Variants in NBPF3 observed in about 807,000 individuals in gnomAD.
NBPF3 encodes the protein NBPF member 3.
NBPF3 carries 57 observed loss-of-function variants against 78.1 expected under a neutral mutation model. The ratio of observed to expected loss-of-function variants is 0.73; its 90% CI spans 0.59 to 0.91. The LOEUF is 0.91. Among genes scored for constraint, NBPF3 ranks in the 40% least tolerant of loss-of-function variants. The pLI is 0.00. For missense variants in NBPF3, 510 were observed against 715.3 expected (o/e 0.71, Z 3.27); for synonymous variants, 182 against 271.7 (o/e 0.67, Z 3.25).
intron 2 of NBPF3, among the ~76,000 whole-genome samples, chr1:21,458,089 A>T (rs984762108): frequency 1.3e-5 from 2 of 152,230 alleles, no homozygotes; most frequent in African/African-American, 4.8e-5. Context: ...GAGCCTCAGT[A>T]AATTCACTTA....
rs1337962201 is a variant in NBPF3, at chr1:21,476,594, G to A, written c.993-1550G>A. On this transcript the variant is annotated intron_variant, in intron 8 of 14. Coordinates refer to ENST00000318249, the MANE Select transcript of NBPF3 (RefSeq NM_032264.6). This position sits in a 1 kb window ranked among gnomAD's most constrained non-coding sequence, Gnocchi z 4.1. ...GAAAATTCTTTTGTTTATGAATGTC[G>A]AATATTGGCCTCCACTCTCTTCTGG... is the stretch of plus-strand genomic sequence containing the variant. Among the ~76,000 whole-genome samples, 2 of 152,112 alleles carry A rather than the reference G, an allele frequency of 1.3e-5. No individual in the cohort carries two copies. The highest frequency in any genetic ancestry group is 2.9e-5 in the Non-Finnish European group (2 of 68,028).
chr1:21,445,193 G>A lies in NBPF3; in HGVS notation c.107G>A (p.Arg36Gln), dbSNP rs199755595. ...AGAGCAGCCTCACATGGTGTGGGCC[G>A]ACATCAAGAGCTGCGAGATCCAACA... Reference protein sequence around the residue: ...APRAASHGVGRHQELRDPTVP... With the variant: ...APRAASHGVGQHQELRDPTVP... Residue 36 changes from arginine (R) to glutamine (Q), a missense_variant, in exon 2 of 15, where the codon CGA becomes CAA. Physicochemically the swap from Arg to Gln is conservative, Grantham distance 43 (BLOSUM62 1). Around this residue, in one of 5 missense-constraint regions of NBPF3, gnomAD observed 440 missense variants for 478.2 expected, o/e 0.92. Transcript: ENST00000318249. 41 of 1,611,782 alleles carry A rather than the reference G, an allele frequency of 2.5e-5. No homozygotes were observed. The highest frequency in any genetic ancestry group is 2.4e-4 in the South Asian group (22 of 90,964).
In NBPF3 at chr1:21,480,106, G is replaced by C. The variant is rs1230019587; in HGVS notation, c.1264G>C (p.Asp422His). ...KEPEVLQDSL[D>H]RFYSTPFEYL... ...GCCTGAAGTCTTGCAGGACTCACTG[G>C]ATAGATTTTATTCAACTCCTTTTGA... is the stretch of plus-strand genomic sequence containing the variant. The change falls in exon 11 of 15, where the codon GAT becomes CAT. Residue 422 changes from aspartate to histidine, a missense_variant. Physicochemically the swap from Asp to His is moderately conservative, Grantham distance 81. Around this residue, in one of 5 missense-constraint regions of NBPF3, gnomAD observed 22 missense variants for 59.9 expected, o/e 0.37. Transcript: ENST00000318249. The C allele has an allele frequency of 8.8e-6, 10 of 1,131,628 alleles. 1 individual carries two copies. Among genetic ancestry groups the C allele is most frequent in the African/African-American group, 7.1e-5 (5 of 70,544 alleles). The allele number at this position is 1,131,628 out of a possible 1,614,324, so 70.1% of individuals were successfully genotyped here.
chr1:21,445,299 G>A, intron 2 of NBPF3, 80 bp downstream of exon 2: 1 of 1,504,326 alleles, frequency 6.6e-7, no homozygotes, highest in Non-Finnish European at 9.1e-7. Context: ...AAGGGAAGAT[G>A]TCAAGGTCCC....
intron 2 of NBPF3, among the ~76,000 whole-genome samples, chr1:21,458,129 T>G (rs1183834693): frequency 6.6e-6 from 1 of 152,224 alleles, no homozygotes. Flanking sequence ...CTGGGCACCC[T>G]TATCTTGTCT....
chr1:21,465,173 G>A (rs2147965996), intron 2 of NBPF3, among the ~76,000 whole-genome samples: 1 of 152,374 alleles, frequency 6.6e-6, no homozygotes, highest in East Asian at 1.9e-4. Flanking sequence ...GTCCACCTGA[G>A]ATCTGGCTCC....
chr1:21,471,888 C>G (rs968206177), intron 5 of NBPF3, 105 bp downstream of exon 5: 6 of 1,470,210 alleles, frequency 4.1e-6, no homozygotes, highest in Non-Finnish European at 5.7e-6. Context: ...TTTTTTCCCA[C>G]TAAACGTATG....
chr1:21,457,370 A>ATATATATATGTATG (rs1381027029), intron 2 of NBPF3, among the ~76,000 whole-genome samples: 3 of 149,964 alleles, frequency 2.0e-5, no homozygotes, highest in South Asian at 2.1e-4. Context: ...ATATGTATGT[A>ATATATATATGTATG]TATATATGTA....
chr1:21,471,068 TAGTC>T (rs10579387), intron 4 of NBPF3, among the ~76,000 whole-genome samples: 69,125 of 151,598 alleles, frequency 0.46, 17,613 homozygotes, highest in Middle Eastern at 0.61. Context: ...CACTCACCCT[TAGTC>T]AGAATCAGCT....
At chr1:21,480,305 T>A in intron 11 of NBPF3, 82 bp downstream of exon 11, 1 of 712,464 alleles carries the variant, frequency 1.4e-6, no homozygotes, top group Non-Finnish European at 2.4e-6. Flanking sequence ...GTGGCCCTTA[T>A]TGACCCGAGA....
At chr1:21,457,188 G>GTGTT (rs755181357) in intron 2 of NBPF3, among the ~76,000 whole-genome samples, 1 of 150,720 alleles carries the variant, frequency 6.6e-6, no homozygotes. Context: ...GTGTGTGTGT[G>GTGTT]TATGTATGTG....
intron 14 of NBPF3, 76 bp from the exon 15 acceptor site, chr1:21,483,067 A>T (rs572536784): frequency 1.3e-6 from 2 of 1,598,978 alleles, no homozygotes; most frequent in South Asian, 2.2e-5. Flanking sequence ...TCCTTATGTT[A>T]CCCCTGAAAT....
upstream of NBPF3, chr1:21,437,284 T>G: frequency 5.4e-6 from 2 of 371,968 alleles, no homozygotes; most frequent in African/African-American, 2.2e-5. Flanking sequence ...AGGAGAGGAG[T>G]GTGCCTGGGG....
intron 2 of NBPF3, among the ~76,000 whole-genome samples, chr1:21,463,151 A>G (rs1230843336): frequency 6.6e-6 from 1 of 152,202 alleles, no homozygotes. Context: ...AGGTATCTTG[A>G]GTGAGTCCAA....
chr1:21,451,295 A>T (rs747947729), intron 2 of NBPF3, among the ~76,000 whole-genome samples: 6 of 152,242 alleles, frequency 3.9e-5, no homozygotes, highest in Non-Finnish European at 8.8e-5. Flanking sequence ...TTCTTGTATA[A>T]ATCATTTTCT....
intron 5 of NBPF3, 75 bp from the exon 6 acceptor site, chr1:21,472,768 G>A: frequency 3.0e-6 from 3 of 1,009,532 alleles, no homozygotes; most frequent in South Asian, 2.5e-5. Context: ...GTTCATGTCT[G>A]TGTGCACATT....
At chr1:21,441,803 G>A (rs189623625) in intron 1 of NBPF3, among the ~76,000 whole-genome samples, 324 of 152,130 alleles carry the variant, frequency 2.1e-3, no homozygotes, top group African/African-American at 7.4e-3. Context: ...TTTTGGAGTG[G>A]CATTGTTGGT....
intron 8 of NBPF3, among the ~76,000 whole-genome samples, chr1:21,475,609 C>T (rs1187278529): frequency 1.3e-5 from 2 of 152,190 alleles, no homozygotes; most frequent in African/African-American, 4.8e-5. Flanking sequence ...TTTGATAGCA[C>T]TGTGGTCTGA....
upstream of NBPF3, among the ~76,000 whole-genome samples, chr1:21,439,814 G>A (rs1026397661): frequency 5.3e-5 from 8 of 152,152 alleles, no homozygotes; most frequent in African/African-American, 1.9e-4. Context: ...GGGCCTCCGA[G>A]GGGGTGTGTC....
Sources: gnomAD v4.1 joint callset for allele counts (sites outside exome capture counted in the v4.1 genomes callset) on GRCh38, gnomAD v4.1.1 for gene constraint, gnomAD v4.1.1 regional missense constraint, Gnocchi (gnomAD v3.1) non-coding constraint, MANE v1.5 for transcripts, NCBI Gene and HGNC (gene_info 2026-07-23, HGNC 2026-07-21) for gene names.